The following PTPRD variants were observed in gnomAD, a reference collection of about 807,000 sequenced individuals.
PTPRD encodes protein tyrosine phosphatase receptor type D.
In PTPRD, 34 loss-of-function variants were observed where a neutral mutation model predicts 214.5. That is an observed-to-expected ratio of 0.16 (90% confidence interval 0.12 to 0.21). PTPRD has a LOEUF of 0.21. PTPRD is among the 10% of genes least tolerant of loss of function. The pLI is 1.00. For synonymous variants in PTPRD, 1,128 were observed against 845.7 expected (o/e 1.33, Z -5.79); for missense variants, 2,545 against 2,398.7 (o/e 1.06, Z -1.27).
chr9:10,473,120 C>G (rs983238629), intron 2 of PTPRD, among the ~76,000 whole-genome samples: 1 of 151,894 alleles, frequency 6.6e-6, no homozygotes, highest in East Asian at 1.9e-4. Context: ...TAAAATTGGC[C>G]GACATAGAAA....
intron 10 of PTPRD, among the ~76,000 whole-genome samples, chr9:9,081,196 G>C (rs113993341): frequency 0.029 from 4,419 of 151,876 alleles, 206 homozygotes; most frequent in African/African-American, 0.1. Context: ...TACATTGTAT[G>C]TTTGTTCTCA....
At chr9:9,400,584 C>G (rs2069960699) in intron 8 of PTPRD, among the ~76,000 whole-genome samples, 1 of 151,992 alleles carries the variant, frequency 6.6e-6, no homozygotes, top group Non-Finnish European at 1.5e-5. Context: ...CATCTCCCCA[C>G]CCCCTACAGA....
At chr9:8,408,741 T>C (rs781444657) in intron 35 of PTPRD, among the ~76,000 whole-genome samples, 1 of 152,158 alleles carries the variant, frequency 6.6e-6, no homozygotes, top group Non-Finnish European at 1.5e-5. Context: ...ATTGCTTCCC[T>C]GCCTGCACAC....
intron 37 of PTPRD, among the ~76,000 whole-genome samples, chr9:8,381,037 C>T (rs78715966): frequency 4.6e-5 from 7 of 152,160 alleles, no homozygotes; most frequent in East Asian, 3.9e-4. Flanking sequence ...GTATTTGCCA[C>T]GAGATTATTT....
intron 39 of PTPRD, among the ~76,000 whole-genome samples, chr9:8,347,645 G>C (rs145680673): frequency 9.9e-5 from 15 of 152,244 alleles, no homozygotes; most frequent in African/African-American, 3.6e-4. Flanking sequence ...CTAACCCCCA[G>C]TGTGACTGTA....
chr9:8,601,237 C>T (rs1488941957), intron 14 of PTPRD, among the ~76,000 whole-genome samples: 1 of 152,164 alleles, frequency 6.6e-6, no homozygotes, highest in Admixed American at 6.5e-5. Context: ...GACTAGAACA[C>T]CAAGTAGACT....
chr9:10,101,896 G>T (rs902711383), intron 3 of PTPRD, among the ~76,000 whole-genome samples: 1 of 151,572 alleles, frequency 6.6e-6, no homozygotes, highest in African/African-American at 2.4e-5. Flanking sequence ...TGCTGTAAGG[G>T]ACAGCATTGG....
At chr9:8,381,344 A>G (rs929168275) in intron 37 of PTPRD, among the ~76,000 whole-genome samples, 1 of 152,194 alleles carries the variant, frequency 6.6e-6, no homozygotes, top group African/African-American at 2.4e-5. Context: ...TAAATGCTGA[A>G]CTATTTATTT....
intron 43 of PTPRD, 42 bp downstream of exon 43, chr9:8,338,879 CT>C: frequency 9.3e-7 from 1 of 1,074,768 alleles, no homozygotes; most frequent in Non-Finnish European, 1.3e-6. Context: ...TCTTAGACTA[CT>C]TTTCAGCTAA....
chr9:9,492,017 G>C (rs928294439), intron 8 of PTPRD, among the ~76,000 whole-genome samples: 7 of 151,840 alleles, frequency 4.6e-5, no homozygotes, highest in East Asian at 1.9e-4. Flanking sequence ...AAGAAAAAGA[G>C]AGAGTATACA....
At chr9:9,604,378 G>C (rs553953279) in intron 7 of PTPRD, among the ~76,000 whole-genome samples, 1 of 151,948 alleles carries the variant, frequency 6.6e-6, no homozygotes, top group Non-Finnish European at 1.5e-5. Flanking sequence ...TTTTGTGAGG[G>C]AAATATTTGG....
At chr9:9,997,982 G>A (rs1449339278) in intron 4 of PTPRD, among the ~76,000 whole-genome samples, 2 of 151,670 alleles carry the variant, frequency 1.3e-5, no homozygotes, top group Non-Finnish European at 2.9e-5. Context: ...AATCGCCTGG[G>A]CCATATGCAA....
chr9:10,325,361 C>G (rs1164628900), intron 3 of PTPRD, among the ~76,000 whole-genome samples: 1 of 151,950 alleles, frequency 6.6e-6, no homozygotes, highest in African/African-American at 2.4e-5. Context: ...AATCCCCATT[C>G]TGGCCATATC....
intron 2 of PTPRD, among the ~76,000 whole-genome samples, chr9:10,465,063 T>A (rs988152281): frequency 6.6e-6 from 1 of 152,168 alleles, no homozygotes; most frequent in Non-Finnish European, 1.5e-5. Context: ...ATATGTGTTA[T>A]AAAGGTGAAT....
chr9:8,836,666 G>A (rs13286924), intron 11 of PTPRD, among the ~76,000 whole-genome samples: 18,018 of 133,686 alleles, frequency 0.13, 1,472 homozygotes, highest in Middle Eastern at 0.22. Flanking sequence ...GCACGATCTC[G>A]GCTCACTGCA....
At chr9:8,434,673 C>T (rs566748988) in intron 35 of PTPRD, among the ~76,000 whole-genome samples, 1 of 152,152 alleles carries the variant, frequency 6.6e-6, no homozygotes, top group East Asian at 1.9e-4. Context: ...GAAAAAATAT[C>T]ACATGGCAAA....
At chr9:10,071,392 A>G (rs2098012187) in intron 3 of PTPRD, among the ~76,000 whole-genome samples, 1 of 152,096 alleles carries the variant, frequency 6.6e-6, no homozygotes, top group Non-Finnish European at 1.5e-5. Context: ...GAGCTACAGT[A>G]ACCAAGTCAG....
chr9:9,648,870 C>G (rs985912454), intron 7 of PTPRD, among the ~76,000 whole-genome samples: 2 of 152,104 alleles, frequency 1.3e-5, no homozygotes, highest in African/African-American at 2.4e-5. Flanking sequence ...AAATGAAATC[C>G]CTCAGGGAAG....
intron 3 of PTPRD, among the ~76,000 whole-genome samples, chr9:10,131,668 G>T (rs998293195): frequency 3.9e-5 from 6 of 152,038 alleles, no homozygotes; most frequent in Non-Finnish European, 7.4e-5. Context: ...TCATAACTCG[G>T]TATCTTTCAT....
Sources: allele counts gnomAD v4.1 joint callset (sites outside exome capture counted in the v4.1 genomes callset), GRCh38; gene constraint gnomAD v4.1.1; transcripts MANE v1.5; gene names NCBI Gene and HGNC (gene_info 2026-07-23, HGNC 2026-07-21).